The following DDX19A variants were observed in gnomAD, a reference collection of about 807,000 sequenced individuals.
The protein encoded by DDX19A is DEAD-box helicase 19A.
DDX19A carries 12 observed loss-of-function variants against 60.6 expected under a neutral mutation model. That is an observed-to-expected ratio of 0.20 (90% CI 0.13 to 0.32). The LOEUF (loss-of-function observed/expected upper bound fraction) is 0.32. DDX19A is among the 10% of genes least tolerant of loss of function. DDX19A has a pLI of 1.00. For synonymous variants in DDX19A, 206 were observed against 218.2 expected, an observed-to-expected ratio of 0.94 and a Z score of 0.49; for missense variants, 337 against 600.6, an observed-to-expected ratio of 0.56 and a Z score of 4.59.
intron 10 of DDX19A, chr16:70,370,686 ACT>A (rs1185293167): frequency 1.1e-5 from 3 of 279,930 alleles, no homozygotes; most frequent in South Asian, 1.1e-4. Context: ...ACAGAGTGAG[ACT>A]CTGTCTCCAA....
rs910846772 is a variant in DDX19A at position 70,346,989 on chromosome 16, A to T, written c.-3A>T. The T allele has an allele frequency of 2.5e-6, 4 of 1,612,176 alleles. No homozygotes were observed. The highest frequency in any genetic ancestry group is 3.4e-6 in the Non-Finnish European group (4 of 1,179,616). On this transcript the variant is annotated 5_prime_UTR_variant, in exon 1 of 12. Coordinates refer to ENST00000302243, the MANE Select transcript of DDX19A (RefSeq NM_018332.5). ...CACAAGTGGGTCTCCCTTGTCCGGG[A>T]CTATGGCCACCGACTCGTGGGCCCT...
At chr16:70,371,594 G>A (rs1330628765) in intron 11 of DDX19A, 31 bp downstream of exon 11, 10 of 1,199,660 alleles carry the variant, frequency 8.3e-6, no homozygotes, top group South Asian at 1.5e-5. Context: ...TGTGCCTGGC[G>A]CCCTTTGCTA....
At chr16:70,370,441 T>G in intron 10 of DDX19A, 56 bp downstream of exon 10, 1 of 1,579,192 alleles carries the variant, frequency 6.3e-7, no homozygotes, top group Middle Eastern at 1.7e-4. Context: ...CAGGCCCAAT[T>G]AGAGCCAGAA....
intron 4 of DDX19A, chr16:70,360,825 C>G (rs1210129723): frequency 6.5e-6 from 1 of 153,208 alleles, no homozygotes; most frequent in Non-Finnish European, 1.5e-5. Flanking sequence ...AGTCACAGAT[C>G]ACTGCAGCCT....
chr16:70,368,361 C>T (rs1204135347), intron 9 of DDX19A, among the ~76,000 whole-genome samples: 1 of 152,010 alleles, frequency 6.6e-6, no homozygotes, highest in Non-Finnish European at 1.5e-5. Flanking sequence ...CAACCTCCGC[C>T]TCCTGGGTTC....
chr16:70,356,948 T>C (rs75961997), intron 4 of DDX19A: 6 of 786,718 alleles, frequency 7.6e-6, no homozygotes, highest in Non-Finnish European at 9.9e-6. Flanking sequence ...GTTTTTTTTT[T>C]ACAAAAAAAA....
chr16:70,370,715 G>A (rs1272631233), intron 10 of DDX19A: 3 of 234,898 alleles, frequency 1.3e-5, no homozygotes, highest in Non-Finnish European at 2.5e-5. Flanking sequence ...AAAGGAAGAG[G>A]GCAGGCCCAG....
chr16:70,366,460 C>A, intron 8 of DDX19A, 164 bp from the exon 9 acceptor site: 2 of 1,235,080 alleles, frequency 1.6e-6, no homozygotes, highest in Non-Finnish European at 2.3e-6. Flanking sequence ...CCTAGGGACT[C>A]TTCCCCAACC....
At position 70,370,240 on chromosome 16, in the gene DDX19A, T is replaced by C; in HGVS notation, c.1038T>C (p.Ser346=). 1 of 1,611,276 alleles carries C rather than the reference T, an allele frequency of 6.2e-7. No homozygotes were observed. The highest frequency in any genetic ancestry group is 8.5e-7 in the Non-Finnish European group (1 of 1,179,336). ...MIFCHTRKTA[S]WLAAELSKEG... is the part of the protein sequence containing the mutation. ...TCTTCCAGACTCGCAAAACAGCTAGTTGGCTGGCAGCAGAGCTCTCAAAAG... is the reference window on the plus strand; with the variant it reads ...TCTTCCAGACTCGCAAAACAGCTAGCTGGCTGGCAGCAGAGCTCTCAAAAG... The change falls in exon 10 of 12, where the codon AGT becomes AGC. Residue 346 remains serine, a synonymous_variant. Coordinates refer to ENST00000302243, the MANE Select transcript of DDX19A (RefSeq NM_018332.5).
chr16:70,352,761 C>T (rs1482949649), intron 2 of DDX19A, among the ~76,000 whole-genome samples: 1 of 151,692 alleles, frequency 6.6e-6, no homozygotes, highest in Non-Finnish European at 1.5e-5. Flanking sequence ...TTCAGCCTTC[C>T]AAGTAGCTGG....
chr16:70,370,532 T>C, intron 10 of DDX19A, 147 bp downstream of exon 10: 5 of 1,284,942 alleles, frequency 3.9e-6, no homozygotes, highest in Non-Finnish European at 5.2e-6. Flanking sequence ...GAGAGACTGT[T>C]TGGATTTCCC....
intron 6 of DDX19A, 52 bp downstream of exon 6, chr16:70,364,697 GTGCCAT>G: frequency 7.5e-7 from 1 of 1,336,022 alleles, no homozygotes; most frequent in Non-Finnish European, 1.1e-6. Flanking sequence ...GGGGAGCGCA[GTGCCAT>G]CTGGTGAGGA....
At chr16:70,350,895 T>TTTA (rs1963991860) in intron 2 of DDX19A, among the ~76,000 whole-genome samples, 1 of 140,482 alleles carries the variant, frequency 7.1e-6, no homozygotes, top group Non-Finnish European at 1.6e-5. Context: ...TTATTTATTT[T>TTTA]GAGACGGAGT....
At chr16:70,350,848 A>ATTATTTAT (rs200007299) in intron 2 of DDX19A, among the ~76,000 whole-genome samples, 480 of 144,072 alleles carry the variant, frequency 3.3e-3, no homozygotes, top group South Asian at 8.1e-3. Flanking sequence ...ATTTTGGCAA[A>ATTATTTAT]TTATTTATTT....
At chr16:70,364,869 G>A in intron 6 of DDX19A, 148 bp from the exon 7 acceptor site, 1 of 699,016 alleles carries the variant, frequency 1.4e-6, no homozygotes, top group South Asian at 1.8e-5. Context: ...CCTGCTGCAG[G>A]CTTCAGTCTA....
intron 9 of DDX19A, among the ~76,000 whole-genome samples, chr16:70,368,697 GC>G (rs1964591927): frequency 1.3e-5 from 2 of 151,826 alleles, no homozygotes; most frequent in African/African-American, 4.8e-5. Flanking sequence ...CAGGCACATG[GC>G]ACTGTGCCCA....
At chr16:70,355,635 G>A (rs1964163519) in intron 3 of DDX19A, 100 bp downstream of exon 3, 5 of 954,390 alleles carry the variant, frequency 5.2e-6, no homozygotes, top group Admixed American at 3.8e-5. Context: ...GGAGATGAGA[G>A]GAATCAGAGA....
At chr16:70,354,427 A>T (rs369820986) in intron 2 of DDX19A, among the ~76,000 whole-genome samples, 1 of 152,316 alleles carries the variant, frequency 6.6e-6, no homozygotes, top group African/African-American at 2.4e-5. Flanking sequence ...AATTACAGGC[A>T]TGAGCCGCTG....
intron 8 of DDX19A, 78 bp from the exon 9 acceptor site, chr16:70,366,546 C>A: frequency 3.2e-6 from 5 of 1,577,086 alleles, no homozygotes; most frequent in Middle Eastern, 1.7e-4. Flanking sequence ...GGCATCTAGA[C>A]CCTCCCAGCT....
Sources: gnomAD v4.1 joint callset for allele counts (sites outside exome capture counted in the v4.1 genomes callset) on GRCh38, gnomAD v4.1.1 for gene constraint, MANE v1.5 for transcripts, NCBI Gene and HGNC (gene_info 2026-07-23, HGNC 2026-07-21) for gene names.